Variants in SEMA5A observed in about 807,000 individuals in gnomAD.
The protein encoded by SEMA5A is semaphorin-5A.
SEMA5A carries 55 observed loss-of-function variants against 135.5 expected under a neutral mutation model. That is an observed-to-expected ratio of 0.41 (90% CI 0.33 to 0.51). The LOEUF (loss-of-function observed/expected upper bound fraction) is 0.51, where lower values mean the gene tolerates loss of function less well. SEMA5A is among the 20% of genes least tolerant of loss of function. SEMA5A has a pLI of 0.37. For missense variants in SEMA5A, 1,290 were observed against 1,419.9 expected (o/e 0.91, Z 1.47); for synonymous variants, 580 against 546.5 (o/e 1.06, Z -0.85).
intron 2 of SEMA5A, among the ~76,000 whole-genome samples, chr5:9,402,081 T>C (rs1229580200): frequency 6.6e-6 from 1 of 152,224 alleles, no homozygotes; most frequent in Non-Finnish European, 1.5e-5. Context: ...GTCTAAACCA[T>C]ACTTCTTTGG....
intron 1 of SEMA5A, among the ~76,000 whole-genome samples, chr5:9,499,445 C>T (rs188928044): frequency 4.5e-4 from 69 of 152,240 alleles, no homozygotes; most frequent in African/African-American, 1.6e-3. Flanking sequence ...ACAAAGCAGC[C>T]TAGCTTCCAA....
chr5:9,266,605 C>G (rs1380060056), intron 5 of SEMA5A, among the ~76,000 whole-genome samples: 1 of 152,178 alleles, frequency 6.6e-6, no homozygotes, highest in Non-Finnish European at 1.5e-5. Flanking sequence ...CTTCTTCTCA[C>G]CCTCATGAGA....
At chr5:9,086,936 C>A (rs1252861645) in intron 16 of SEMA5A, among the ~76,000 whole-genome samples, 1 of 152,132 alleles carries the variant, frequency 6.6e-6, no homozygotes, top group Non-Finnish European at 1.5e-5. Context: ...TTTCTTAGGT[C>A]TTCTTTGATT....
chr5:9,480,093 C>T (rs995916), intron 1 of SEMA5A, among the ~76,000 whole-genome samples: 11,813 of 67,214 alleles, frequency 0.18, 491 homozygotes, highest in Non-Finnish European at 0.21. Flanking sequence ...CACTGTAGGA[C>T]ATTCACCAGC....
At chr5:9,372,499 A>G (rs916959051) in intron 3 of SEMA5A, among the ~76,000 whole-genome samples, 5 of 152,144 alleles carry the variant, frequency 3.3e-5, no homozygotes, top group African/African-American at 9.7e-5. Flanking sequence ...AGAACTGTGG[A>G]CACACATGGA....
At chr5:9,069,125 A>G (rs1451599300) in intron 16 of SEMA5A, among the ~76,000 whole-genome samples, 1 of 152,228 alleles carries the variant, frequency 6.6e-6, no homozygotes, top group East Asian at 1.9e-4. Context: ...AAAAGTTCAG[A>G]TTCCCCCAAG....
intron 5 of SEMA5A, among the ~76,000 whole-genome samples, chr5:9,300,026 T>C (rs1182077763): frequency 6.6e-6 from 1 of 150,790 alleles, no homozygotes; most frequent in Non-Finnish European, 1.5e-5. Context: ...CCCTCTTGTT[T>C]CTCCTCACTT....
At chr5:9,542,464 T>A (rs890780031) in intron 1 of SEMA5A, among the ~76,000 whole-genome samples, 2 of 152,242 alleles carry the variant, frequency 1.3e-5, no homozygotes, top group African/African-American at 4.8e-5. Flanking sequence ...TGGTATAAAT[T>A]TGCAAGTAGA....
chr5:9,291,193 G>C (rs1213195963), intron 5 of SEMA5A, among the ~76,000 whole-genome samples: 1 of 152,308 alleles, frequency 6.6e-6, no homozygotes, highest in Middle Eastern at 3.4e-3. Context: ...ACTGGAGTCA[G>C]AATCAATGAG....
chr5:9,131,035 G>A (rs968401021), intron 13 of SEMA5A, among the ~76,000 whole-genome samples: 1 of 152,126 alleles, frequency 6.6e-6, no homozygotes, highest in Non-Finnish European at 1.5e-5. Flanking sequence ...GGAGAATCCT[G>A]TTATTAGGAG....
intron 19 of SEMA5A, among the ~76,000 whole-genome samples, chr5:9,053,444 T>A (rs979368044): frequency 6.6e-6 from 1 of 152,222 alleles, no homozygotes; most frequent in African/African-American, 2.4e-5. Flanking sequence ...GATGTCATGC[T>A]TTTTCTTTCC....
At chr5:9,456,126 T>C (rs942375676) in intron 1 of SEMA5A, among the ~76,000 whole-genome samples, 1 of 152,234 alleles carries the variant, frequency 6.6e-6, no homozygotes. Flanking sequence ...GCATAAATTC[T>C]AATTAAAGCA....
At chr5:9,412,301 A>T (rs963088239) in intron 2 of SEMA5A, among the ~76,000 whole-genome samples, 33 of 151,930 alleles carry the variant, frequency 2.2e-4, no homozygotes, top group African/African-American at 8.0e-4. Flanking sequence ...AAGTCCTCGA[A>T]AATTAATTGT....
intron 2 of SEMA5A, among the ~76,000 whole-genome samples, chr5:9,400,159 A>G (rs1038509383): frequency 6.6e-6 from 1 of 152,132 alleles, no homozygotes; most frequent in African/African-American, 2.4e-5. Flanking sequence ...GGCCTGTCGC[A>G]GGGTTGGAGG....
chr5:9,343,212 C>T (rs1238479274), intron 3 of SEMA5A, among the ~76,000 whole-genome samples: 1 of 152,114 alleles, frequency 6.6e-6, no homozygotes, highest in Non-Finnish European at 1.5e-5. Context: ...TTTTTTATTA[C>T]CCAAGTGTCT....
chr5:9,412,575 C>T (rs1180946394), intron 2 of SEMA5A, among the ~76,000 whole-genome samples: 1 of 134,392 alleles, frequency 7.4e-6, no homozygotes, highest in East Asian at 2.2e-4. Context: ...GGGGCCAGAA[C>T]GGATTCAGAT....
intron 3 of SEMA5A, among the ~76,000 whole-genome samples, chr5:9,364,170 T>C (rs1173197000): frequency 2.0e-5 from 3 of 152,228 alleles, no homozygotes; most frequent in African/African-American, 7.2e-5. Flanking sequence ...TTTATTATTT[T>C]CATATGTTCT....
At chr5:9,154,057 AAAAAAAT>A (rs1226719813) in intron 12 of SEMA5A, among the ~76,000 whole-genome samples, 3 of 50,436 alleles carry the variant, frequency 5.9e-5, no homozygotes, top group African/African-American at 1.4e-4. Flanking sequence ...AAAAAAAAAA[AAAAAAAT>A]ATATATATAT....
At chr5:9,464,848 G>A (rs1423924442) in intron 1 of SEMA5A, among the ~76,000 whole-genome samples, 2 of 152,234 alleles carry the variant, frequency 1.3e-5, no homozygotes, top group Non-Finnish European at 2.9e-5. Flanking sequence ...GGTCTCTTTT[G>A]GAGCAGATGC....
Sources: allele counts gnomAD v4.1 joint callset (sites outside exome capture counted in the v4.1 genomes callset), GRCh38; gene constraint gnomAD v4.1.1; transcripts MANE v1.5; gene names NCBI Gene and HGNC (gene_info 2026-07-23, HGNC 2026-07-21).